Variants in BNC1 observed in about 807,000 individuals in gnomAD.
BNC1 encodes the protein basonuclin zinc finger protein 1.
A neutral mutation model predicts 66.5 loss-of-function variants in BNC1; 8 were observed. That is an observed-to-expected ratio of 0.12 (90% CI 0.07 to 0.22). The LOEUF (loss-of-function observed/expected upper bound fraction) is 0.22. Ranked by LOEUF, BNC1 falls within the 10% of genes least tolerant of loss-of-function variation. BNC1 has a pLI of 1.00. For synonymous variants in BNC1, 454 were observed against 452.6 expected (o/e 1.00, Z -0.04); for missense variants, 1,069 against 1,241.3 (o/e 0.86, Z 2.09).
At chr15:83,266,323 G>A (rs1375599441) in intron 3 of BNC1, among the ~76,000 whole-genome samples, 1 of 151,840 alleles carries the variant, frequency 6.6e-6, no homozygotes, top group African/African-American at 2.4e-5. Flanking sequence ...GATTGAGAAT[G>A]AGCAAATGCA....
rs544718027 is a variant in BNC1 at position 83,262,471 on chromosome 15, A to C, written c.2300+480T>G. The stretch of plus-strand genomic sequence containing the variant: ...TGAAACATTGTTAATGCCCTATAAT[A>C]AATCCATTACTATTTGTACTATATA... On this transcript the variant is annotated intron_variant, in intron 4 of 4. Transcript: ENST00000345382. 2.0e-5 allele frequency among the ~76,000 whole-genome samples: 3 copies of C among 152,280 alleles called. No homozygotes were observed. The East Asian group carries it at 5.8e-4, about 29-fold the overall frequency.
Position 83,263,127 on chromosome 15 carries a change from C to T in BNC1, c.2124G>A (p.Gln708=), listed in dbSNP as rs1440052895. Residue 708 remains glutamine, a synonymous_variant, in exon 4 of 5, where the codon CAG becomes CAA. Coordinates refer to ENST00000345382, the MANE Select transcript of BNC1 (RefSeq NM_001717.4). ...EDSKELEHVG[Q]HALARQIEEN... ...CTTCTATCTGCCTTGCTAATGCATG[C>T]TGACCCACGTGCTCCAGTTCTTTAG... 1.9e-6 allele frequency: 3 copies of T among 1,614,080 alleles called. No individual in the cohort carries two copies. Among genetic ancestry groups the T allele is most frequent in the Non-Finnish European group, 2.5e-6 (3 of 1,180,046 alleles).
intron 1 of BNC1, among the ~76,000 whole-genome samples, chr15:83,277,923 A>AT (rs537477155): frequency 8.1e-5 from 12 of 148,990 alleles, no homozygotes; most frequent in East Asian, 3.9e-4. Flanking sequence ...TTAGAACTGG[A>AT]TTTTTTTTTT....
intron 1 of BNC1, among the ~76,000 whole-genome samples, chr15:83,271,045 G>A (rs1460135181): frequency 6.6e-6 from 1 of 152,174 alleles, no homozygotes; most frequent in Non-Finnish European, 1.5e-5. Context: ...GGAGGCCGAG[G>A]TGGGCAGATC....
At chr15:83,275,900 T>A (rs1762888627) in intron 1 of BNC1, among the ~76,000 whole-genome samples, 1 of 151,834 alleles carries the variant, frequency 6.6e-6, no homozygotes, top group Non-Finnish European at 1.5e-5. Context: ...TTTTTATGTA[T>A]GAAATGAATA....
chr15:83,269,664 T>C (rs934046442), intron 1 of BNC1, among the ~76,000 whole-genome samples: 2 of 152,160 alleles, frequency 1.3e-5, no homozygotes, highest in Non-Finnish European at 2.9e-5. Flanking sequence ...GAAAACATTC[T>C]GGCAGTTCCT....
Position 83,257,847 on chromosome 15 carries a change from A to G in BNC1, c.2580T>C (p.Thr860=), listed in dbSNP as rs762186498. 6.2e-7 allele frequency: 1 copy of G among 1,614,060 alleles called. No individual in the cohort carries two copies. Among genetic ancestry groups the G allele is most frequent in the African/African-American group, 1.3e-5 (1 of 74,926 alleles). Reference sequence around the variant, plus strand: ...TACTCTCTGACTTCATGCTCGAGGTAGTGCTCAAATCCAGGATGGTGCCCT... The same window carrying G: ...TACTCTCTGACTTCATGCTCGAGGTGGTGCTCAAATCCAGGATGGTGCCCT... ...LSEGTILDLS[T]TSSMKSESSS... is the part of the protein sequence containing the mutation. Residue 860 remains threonine (T), a synonymous_variant, in exon 5 of 5, where the codon ACT becomes ACC. Transcript: ENST00000345382.
Position 83,264,327 on chromosome 15 carries a change from C to T in BNC1, c.924G>A (p.Pro308=), listed in dbSNP as rs146508168. The stretch of plus-strand genomic sequence containing the variant: ...TGTCTTCTTTTTTAGTAATAGCATC[C>T]GGACAGTTTAAACACTGATCTTTTT... ...QVEKDQCLNC[P]DAITKKEDST... is the part of the protein sequence containing the mutation. The change falls in exon 4 of 5, where the codon CCG becomes CCA. Residue 308 remains proline (P), a synonymous_variant. Transcript: ENST00000345382. 105 of 1,614,082 alleles carry T rather than the reference C, an allele frequency of 6.5e-5. No individual in the cohort carries two copies. The African/African-American group carries it at 1.1e-3, about 17-fold the overall frequency.
chr15:83,274,142 T>C (rs945744037), intron 1 of BNC1, among the ~76,000 whole-genome samples: 20 of 152,136 alleles, frequency 1.3e-4, no homozygotes, highest in African/African-American at 4.8e-4. Flanking sequence ...CCCAGCACTT[T>C]GGGAGGCCGA....
At position 83,270,593 on chromosome 15, in the gene BNC1, G is replaced by A. The variant is rs141346012; in HGVS notation, c.100-2361C>T. Among the ~76,000 whole-genome samples, 183 of 152,242 alleles carry A rather than the reference G, an allele frequency of 1.2e-3. 1 individual carries two copies. The highest frequency in any genetic ancestry group is 9.9e-4 in the African/African-American group (41 of 41,546). On this transcript the variant is annotated intron_variant, in intron 1 of 4. Transcript: ENST00000345382. ...TTCCCCTGATGGCGAATGGTGCTCA[G>A]CATCTCTTCATGTGCTTATTGGCCA...
chr15:83,263,447 A>C lies in BNC1; in HGVS notation c.1804T>G (p.Phe602Val). Residue 602 changes from phenylalanine (F) to valine (V), a missense_variant, in exon 4 of 5, where the codon TTC (phenylalanine) becomes GTC (valine). Physicochemically the swap from Phe to Val is conservative, Grantham distance 50. This residue lies in a region of BNC1 where 657 missense variants were observed against 715.8 expected (regional missense o/e 0.92). Coordinates refer to ENST00000345382, the MANE Select transcript of BNC1 (RefSeq NM_001717.4). ...HVQSGGLGKPFPEGERPCHRE... is the reference protein window; with the variant it reads ...HVQSGGLGKPVPEGERPCHRE... Reference sequence around the variant, plus strand: ...TGGCAGGGCCTCTCCCCTTCAGGGAAAGGCTTCCCTAAGCCTCCTGACTGT... The same window carrying C: ...TGGCAGGGCCTCTCCCCTTCAGGGACAGGCTTCCCTAAGCCTCCTGACTGT... The C allele has an allele frequency of 6.2e-7, 1 of 1,614,200 alleles. No individual in the cohort carries two copies. Among genetic ancestry groups the C allele is most frequent in the Non-Finnish European group, 8.5e-7 (1 of 1,180,024 alleles).
intron 2 of BNC1, among the ~76,000 whole-genome samples, chr15:83,267,365 G>A (rs997690847): frequency 6.6e-6 from 1 of 152,136 alleles, no homozygotes; most frequent in African/African-American, 2.4e-5. Flanking sequence ...GGTGGGAGGT[G>A]CATAATCAAG....
rs59308826 is a variant in BNC1 at position 83,269,428 on chromosome 15, C to CGTGT, written c.100-1200_100-1197dup. 1.2e-3 allele frequency among the ~76,000 whole-genome samples: 174 copies of CGTGT among 150,354 alleles called. 1 individual carries two copies. Among genetic ancestry groups the CGTGT allele is most frequent in the African/African-American group, 3.9e-3 (160 of 40,960 alleles). ...ACAAGAGTCTTGAAACTGGGAAGTG[C>CGTGT]GTGTGTGTGTGTGTGTGCGCGCGCA... On this transcript the variant is annotated intron_variant, in intron 1 of 4. Coordinates refer to ENST00000345382, the MANE Select transcript of BNC1 (RefSeq NM_001717.4).
intron 1 of BNC1, among the ~76,000 whole-genome samples, chr15:83,281,270 A>C (rs555087320): frequency 1.3e-5 from 2 of 152,374 alleles, no homozygotes; most frequent in South Asian, 4.1e-4. Flanking sequence ...TAAAAGGAAA[A>C]AGAAATGCTT....
At position 83,263,362 on chromosome 15, in the gene BNC1, T is replaced by C. The variant is rs2038169064; in HGVS notation, c.1889A>G (p.His630Arg). The C allele has an allele frequency of 1.2e-6, 2 of 1,614,208 alleles. No homozygotes were observed. The highest frequency in any genetic ancestry group is 2.2e-5 in the East Asian group (1 of 44,872). ...CTGCTCAGTCTCCCTCTCTGAATTG[T>C]GTGTGGCCTGCTCAGGGGTTTGGCT... ...AISQTPEQAT[H>R]NSERETEQTP... The change falls in exon 4 of 5, where the codon CAC (histidine) becomes CGC (arginine). Residue 630 changes from histidine to arginine, a missense_variant. By Grantham distance (29) the His-to-Arg change is conservative. This residue lies in a region of BNC1 where 657 missense variants were observed against 715.8 expected (regional missense o/e 0.92). Coordinates refer to ENST00000345382, the MANE Select transcript of BNC1 (RefSeq NM_001717.4).
intron 1 of BNC1, among the ~76,000 whole-genome samples, chr15:83,280,123 A>C (rs1186555718): frequency 6.6e-6 from 1 of 152,212 alleles, no homozygotes; most frequent in African/African-American, 2.4e-5. Flanking sequence ...ATTAGTTTCA[A>C]AAACTGAAAA....
At position 83,268,249 on chromosome 15, in the gene BNC1, A is replaced by G; in HGVS notation, c.100-17T>C. On this transcript the variant is annotated splice_polypyrimidine_tract_variant and intron_variant, in intron 1 of 4. Transcript: ENST00000345382. ...GCTGATAGCCTGAAAAAGAGGAGAA[A>G]ACAGGTATGTGGAGCATGTAAGTGA... 3.8e-6 allele frequency: 6 copies of G among 1,593,734 alleles called. No homozygotes were observed. Among genetic ancestry groups the G allele is most frequent in the Non-Finnish European group, 5.2e-6 (6 of 1,161,424 alleles).
chr15:83,259,177 C>A (rs1005373270), intron 4 of BNC1, among the ~76,000 whole-genome samples: 1 of 152,182 alleles, frequency 6.6e-6, no homozygotes, highest in Non-Finnish European at 1.5e-5. Flanking sequence ...CATATGTTAT[C>A]ATTTGGAATT....
chr15:83,284,429 G>T (rs978383752), intron 1 of BNC1, 101 bp downstream of exon 1: 1 of 739,142 alleles, frequency 1.4e-6, no homozygotes, highest in African/African-American at 1.9e-5. Context: ...CCCTCGGGAG[G>T]TGGCCCTCGG....
Sources: allele counts gnomAD v4.1 joint callset (sites outside exome capture counted in the v4.1 genomes callset), GRCh38; gene constraint gnomAD v4.1.1; regional missense constraint gnomAD v4.1.1; transcripts MANE v1.5; gene names NCBI Gene and HGNC (gene_info 2026-07-23, HGNC 2026-07-21).